SMAD9: variants seen among roughly 807,000 people sequenced by gnomAD.
SMAD9 encodes MAD homolog 9.
In SMAD9, 36 loss-of-function variants were observed where a neutral mutation model predicts 46.1. The observed-to-expected ratio is 0.78, with a 90% CI of 0.60 to 1.03. The LOEUF (loss-of-function observed/expected upper bound fraction) is 1.03, where lower values mean the gene tolerates loss of function less well. Ranked by LOEUF, SMAD9 falls within the 50% of genes least tolerant of loss-of-function variation. SMAD9 has a pLI of 0.00. For missense variants in SMAD9, 572 were observed against 599.8 expected (o/e 0.95, Z 0.48); for synonymous variants, 245 against 237.1 (o/e 1.03, Z -0.31).
chr13:36,869,107 A>G (rs915150118), intron 3 of SMAD9, among the ~76,000 whole-genome samples: 2 of 152,176 alleles, frequency 1.3e-5, no homozygotes, highest in Non-Finnish European at 2.9e-5. Context: ...AGGGGCTGGC[A>G]AAGTAGGGAA....
At chr13:36,906,069 G>C (rs1593622980) in intron 1 of SMAD9, among the ~76,000 whole-genome samples, 1 of 152,054 alleles carries the variant, frequency 6.6e-6, no homozygotes, top group Non-Finnish European at 1.5e-5. Flanking sequence ...AAGACTCTAA[G>C]GAATGGCAGC....
intron 1 of SMAD9, among the ~76,000 whole-genome samples, chr13:36,884,629 G>A (rs2058429897): frequency 2.6e-5 from 4 of 152,092 alleles, no homozygotes. Context: ...AATTTACCCG[G>A]CTGGGTAACA....
intron 1 of SMAD9, among the ~76,000 whole-genome samples, chr13:36,884,084 G>A (rs545487067): frequency 2.0e-5 from 3 of 152,252 alleles, no homozygotes; most frequent in South Asian, 4.2e-4. Flanking sequence ...TAGTCTGAGC[G>A]CGACCTTCAC....
At chr13:36,898,712 C>T (rs1189119594) in intron 1 of SMAD9, among the ~76,000 whole-genome samples, 3 of 152,074 alleles carry the variant, frequency 2.0e-5, no homozygotes, top group African/African-American at 7.2e-5. Context: ...TATTCAATAC[C>T]CATTCATGAG....
rs549711308 is a variant in SMAD9 at position 36,897,590 on chromosome 13, A to G, written c.-186-17715T>C. 2.0e-5 allele frequency among the ~76,000 whole-genome samples: 3 copies of G among 150,202 alleles called. No homozygotes were observed. The South Asian group carries it at 6.2e-4, about 31-fold the overall frequency. ...ATGTGGGATATCTTCAGAAGAAATT[A>G]GAAAGTTAACATCTTCCTAAATAAA... is the stretch of plus-strand genomic sequence containing the variant. On this transcript the variant is annotated intron_variant, in intron 1 of 6. Transcript: ENST00000379826.
intron 5 of SMAD9, among the ~76,000 whole-genome samples, chr13:36,860,958 C>T (rs2058175758): frequency 6.6e-6 from 1 of 152,148 alleles, no homozygotes; most frequent in African/African-American, 2.4e-5. Context: ...TTTTGGTGTG[C>T]TAGTGCTAAC....
intron 1 of SMAD9, among the ~76,000 whole-genome samples, chr13:36,907,960 T>C (rs1446839181): frequency 2.0e-5 from 3 of 152,176 alleles, no homozygotes; most frequent in Non-Finnish European, 2.9e-5. Flanking sequence ...CCCAGTTACA[T>C]AGGTTAATCT....
At chr13:36,905,773 TCAA>T (rs2058614029) in intron 1 of SMAD9, among the ~76,000 whole-genome samples, 1 of 15,134 alleles carries the variant, frequency 6.6e-5, no homozygotes, top group Non-Finnish European at 1.1e-4. Context: ...AGACCCTGTC[TCAA>T]AAAAAAAAAA....
chr13:36,905,690 C>T (rs1306276694), intron 1 of SMAD9, among the ~76,000 whole-genome samples: 1 of 141,834 alleles, frequency 7.1e-6, no homozygotes, highest in Non-Finnish European at 1.5e-5. Context: ...GGGAGGATCA[C>T]TTGAGGCTGG....
chr13:36,886,233 C>G (rs976815976), intron 1 of SMAD9, among the ~76,000 whole-genome samples: 9 of 152,218 alleles, frequency 5.9e-5, no homozygotes, highest in Admixed American at 3.3e-4. Flanking sequence ...TCCATACATC[C>G]TAAACCACTG....
intron 4 of SMAD9, 52 bp downstream of exon 4, chr13:36,867,221 T>C (rs903427414): frequency 1.7e-6 from 2 of 1,189,820 alleles, no homozygotes; most frequent in Middle Eastern, 1.9e-4. Context: ...TTGGGGGTAA[T>C]AGGAAATACT....
intron 1 of SMAD9, among the ~76,000 whole-genome samples, chr13:36,899,855 C>A (rs1176076286): frequency 6.6e-6 from 1 of 152,204 alleles, no homozygotes; most frequent in Non-Finnish European, 1.5e-5. Flanking sequence ...CTGCTTTACA[C>A]TAGTCCCTCT....
At chr13:36,905,806 A>C (rs1213209642) in intron 1 of SMAD9, among the ~76,000 whole-genome samples, 2 of 109,942 alleles carry the variant, frequency 1.8e-5, no homozygotes, top group Non-Finnish European at 3.7e-5. Flanking sequence ...AAAAAAAAAA[A>C]AAAAAAAAAC....
At chr13:36,882,446 C>A (rs1232621388) in intron 1 of SMAD9, among the ~76,000 whole-genome samples, 1 of 152,176 alleles carries the variant, frequency 6.6e-6, no homozygotes, top group African/African-American at 2.4e-5. Context: ...TGGGGAATTC[C>A]CAACTAGTCA....
intron 6 of SMAD9, chr13:36,849,275 TTCTCTC>T (rs10555873): frequency 1.6e-4 from 25 of 152,788 alleles, no homozygotes; most frequent in Non-Finnish European, 2.7e-4. Flanking sequence ...AGCTTGCTTA[TTCTCTC>T]TCTCTCTCTC....
At chr13:36,867,472 T>C in intron 3 of SMAD9, 89 bp from the exon 4 acceptor site, 4 of 813,136 alleles carry the variant, frequency 4.9e-6, no homozygotes, top group Non-Finnish European at 8.0e-6. Flanking sequence ...ATTAAACTCC[T>C]GAGCTTGGTG....
Position 36,879,619 on chromosome 13 carries a change from C to T in SMAD9, c.71G>A (p.Trp24Ter). 2 of 1,614,234 alleles carry T rather than the reference C, an allele frequency of 1.2e-6. No individual in the cohort carries two copies. Among genetic ancestry groups the T allele is most frequent in the Non-Finnish European group, 1.7e-6 (2 of 1,180,040 alleles). ...TSPAVKRLLG[W>*]KQGDEEEKWA... ...CTTTTCCTCTTCATCTCCTTGCTTC[C>T]AGCCTAGCAGTCTCTTCACTGCGGG... The change falls in exon 2 of 7, where the codon TGG (tryptophan) becomes TAG (stop). Residue 24 changes from tryptophan to a stop codon, truncating the protein, a stop_gained. Coordinates refer to ENST00000379826, the MANE Select transcript of SMAD9 (RefSeq NM_001127217.3). LOFTEE classifies it high-confidence loss of function.
Position 36,879,759 on chromosome 13 carries a change from A to G in SMAD9, c.-70T>C, listed in dbSNP as rs2058386730. On this transcript the variant is annotated 5_prime_UTR_variant, in exon 2 of 7. Coordinates refer to ENST00000379826, the MANE Select transcript of SMAD9 (RefSeq NM_001127217.3). Reference sequence around the variant, plus strand: ...CTTCACGGCAAAGTGGGCGGCGAGTAGCTCTCCAGGGGTGGCATAGGGACC... The same window carrying G: ...CTTCACGGCAAAGTGGGCGGCGAGTGGCTCTCCAGGGGTGGCATAGGGACC... 4 of 1,578,118 alleles carry G rather than the reference A, an allele frequency of 2.5e-6. No homozygotes were observed. In the East Asian group the frequency reaches 6.7e-5, roughly 26 times the overall value.
rs762959480 is a variant in SMAD9, at chr13:36,879,672, G to A, written c.18C>T (p.Pro6=). The part of the protein sequence containing the change: MHSTT[P]ISSLFSFTSP... ...TGGTGAAGGAGAAGAGGGAGCTGAT[G>A]GGGGTGGTGGAGTGCATAAGAGGCC... Residue 6 remains proline (P), a synonymous_variant, in exon 2 of 7, where the codon CCC becomes CCT. Coordinates refer to ENST00000379826, the MANE Select transcript of SMAD9 (RefSeq NM_001127217.3). 3 of 1,614,062 alleles carry A rather than the reference G, an allele frequency of 1.9e-6. No homozygotes were observed. Among genetic ancestry groups the A allele is most frequent in the African/African-American group, 1.3e-5 (1 of 74,948 alleles).
Sources: allele counts gnomAD v4.1 joint callset (sites outside exome capture counted in the v4.1 genomes callset), GRCh38; gene constraint gnomAD v4.1.1; transcripts MANE v1.5; gene names NCBI Gene and HGNC (gene_info 2026-07-23, HGNC 2026-07-21).